The following NUDT18 variants were observed in gnomAD, a reference collection of about 807,000 sequenced individuals.
NUDT18 encodes 8-oxo-dGDP phosphatase NUDT18.
In NUDT18, 26 loss-of-function variants were observed where a neutral mutation model predicts 27.6. The observed-to-expected ratio is 0.94, with a 90% CI of 0.69 to 1.31. NUDT18 has a LOEUF of 1.31. Among genes scored for constraint, NUDT18 ranks in the 50% most tolerant of loss-of-function variants. NUDT18 has a pLI of 0.00. For missense variants in NUDT18, 450 were observed against 433.4 expected (o/e 1.04, Z -0.34); for synonymous variants, 220 against 196.9 (o/e 1.12, Z -0.98).
At position 22,108,198 on chromosome 8, in the gene NUDT18, G is replaced by A. The variant is rs758812900; in HGVS notation, c.311C>T (p.Thr104Ile). 83 of 1,591,518 alleles carry A rather than the reference G, an allele frequency of 5.2e-5. 1 individual carries two copies. The South Asian group carries it at 9.0e-4, about 17-fold the overall frequency. Reference sequence around the variant, plus strand: ...GCCCCGCTCCTCCACGGACAGCAGTGTCTCGGGCTCACAGTGCAGCCCCGC... The same window carrying A: ...GCCCCGCTCCTCCACGGACAGCAGTATCTCGGGCTCACAGTGCAGCCCCGC... ...EEAGLHCEPE[T>I]LLSVEERGPS... Residue 104 changes from threonine to isoleucine, a missense_variant, in exon 2 of 3, where the codon ACA (threonine) becomes ATA (isoleucine). Coordinates refer to ENST00000611621, the MANE Select transcript of NUDT18 (RefSeq NM_024815.4).
At chr8:22,108,835 A>C (rs1379259546) in intron 1 of NUDT18, among the ~76,000 whole-genome samples, 2 of 152,174 alleles carry the variant, frequency 1.3e-5, no homozygotes, top group Non-Finnish European at 2.9e-5. Context: ...TCAGCACCAA[A>C]GGCCTGAAGG....
Position 22,107,774 on chromosome 8 carries a change from G to T in NUDT18, c.498C>A (p.Ala166=). The T allele has an allele frequency of 6.2e-7, 1 of 1,613,526 alleles. No individual in the cohort carries two copies. Among genetic ancestry groups the T allele is most frequent in the Non-Finnish European group, 8.5e-7 (1 of 1,179,854 alleles). The change falls in exon 3 of 3, where the codon GCC becomes GCA. Residue 166 remains alanine (A), a synonymous_variant. Coordinates refer to ENST00000611621, the MANE Select transcript of NUDT18 (RefSeq NM_024815.4). The part of the protein sequence containing the change: ...AHDILHLVEL[A]AQYRQQARHP... ...GCCTGGCTTGCTGGCGATACTGGGC[G>T]GCTAGTTCAACCAGGTGCAGGATGT... is the stretch of plus-strand genomic sequence containing the variant.
chr8:22,107,641 T>A lies in NUDT18; in HGVS notation c.631A>T (p.Met211Leu), dbSNP rs756060297. ...CAGGCAGTGACAGGCAAGTGAGGCA[T>A]CCCCACTGTGCCCACTAACACCCAC... ...TVWVLVGTVG[M>L]PHLPVTACGL... is the part of the protein sequence containing the mutation. Residue 211 changes from methionine (M) to leucine (L), a missense_variant, in exon 3 of 3, where the codon ATG (methionine) becomes TTG (leucine). Met to Leu is a conservative substitution (Grantham distance 15, BLOSUM62 2). Transcript: ENST00000611621. 1.6e-5 allele frequency: 25 copies of A among 1,612,850 alleles called. 1 individual carries two copies. In the Admixed American group the frequency reaches 2.7e-4, roughly 17 times the overall value.
At chr8:22,109,735 G>A (rs1003490103), upstream of NUDT18, 8 of 457,824 alleles carry the variant, frequency 1.7e-5, no homozygotes, top group Non-Finnish European at 3.1e-5. Flanking sequence ...GCGCCGCCGG[G>A]GTAGGCGACG....
At chr8:22,108,603 G>C (rs1443581275) in intron 1 of NUDT18, among the ~76,000 whole-genome samples, 2 of 152,240 alleles carry the variant, frequency 1.3e-5, no homozygotes, top group African/African-American at 2.4e-5. Context: ...GGCTGGAGAT[G>C]AGGCCCCAGA....
Position 22,109,276 on chromosome 8 carries a change from C to A in NUDT18, c.25G>T (p.Ala9Ser). The change falls in exon 1 of 3, where the codon GCG (alanine) becomes TCG (serine). Residue 9 changes from alanine (A) to serine (S), a missense_variant. Transcript: ENST00000611621. ...TGGCCAGCCAGCACGGAAGCCAGCG[C>A]CCCCGCCAGGCCCTCCGAGGCCATC... is the stretch of plus-strand genomic sequence containing the variant. MASEGLAG[A>S]LASVLAGQGS... 1 of 1,396,632 alleles carries A rather than the reference C, an allele frequency of 7.2e-7. No homozygotes were observed. Among genetic ancestry groups the A allele is most frequent in the Non-Finnish European group, 9.3e-7 (1 of 1,081,054 alleles). 86.5% of individuals were successfully genotyped at this position (1,396,632 alleles called of 1,614,324 possible). A position where few individuals can be genotyped will look rare whatever the true frequency, so the allele number is the denominator to read the frequency against.
chr8:22,108,101 C>T, intron 2 of NUDT18, 32 bp downstream of exon 2: 2 of 1,468,530 alleles, frequency 1.4e-6, no homozygotes, highest in Non-Finnish European at 1.8e-6. Flanking sequence ...TGTCAACTGG[C>T]CCTGTTCACA....
Position 22,108,176 on chromosome 8 carries a change from C to A in NUDT18, c.333G>T (p.Arg111=). 1 of 1,570,986 alleles carries A rather than the reference C, an allele frequency of 6.4e-7. No homozygotes were observed. Among genetic ancestry groups the A allele is most frequent in the Non-Finnish European group, 8.6e-7 (1 of 1,159,684 alleles). The change falls in exon 2 of 3, where the codon CGG becomes CGT. Residue 111 remains arginine, a synonymous_variant. Coordinates refer to ENST00000611621, the MANE Select transcript of NUDT18 (RefSeq NM_024815.4). ...ACACGAAGCGGACCCAGGAGGGGCC[C>A]CGCTCCTCCACGGACAGCAGTGTCT... ...EPETLLSVEE[R]GPSWVRFVFL...
rs759731223 is a variant in NUDT18, at chr8:22,107,451, A to C, written c.821T>G (p.Val274Gly). ...HSDGICLNVLVTVAFRSPGIQ... is the reference protein window; with the variant it reads ...HSDGICLNVLGTVAFRSPGIQ... ...CCCTGGGCTCCGAAAAGCCACGGTCACCAGCACATTCAAACAGATGCCATC... is the reference window on the plus strand; with the variant it reads ...CCCTGGGCTCCGAAAAGCCACGGTCCCCAGCACATTCAAACAGATGCCATC... Residue 274 changes from valine (V) to glycine (G), a missense_variant, in exon 3 of 3, where the codon GTG becomes GGG. By Grantham distance (109) the Val-to-Gly change is moderately radical. Coordinates refer to ENST00000611621, the MANE Select transcript of NUDT18 (RefSeq NM_024815.4). 3.1e-6 allele frequency: 5 copies of C among 1,613,216 alleles called. No homozygotes were observed. The highest frequency in any genetic ancestry group is 1.7e-5 in the Admixed American group (1 of 60,004).
Position 22,108,332 on chromosome 8 carries a change from C to CAGT in NUDT18, c.174_176dup (p.Leu59dup). The stretch of plus-strand genomic sequence containing the variant: ...GGCACTCCCTCTTGGCCTCCTGGAT[C>CAGT]AGTAGCACCTCATCCTGAGAGGAGA... On this transcript the variant is annotated inframe_insertion, in exon 2 of 3. Coordinates refer to ENST00000611621, the MANE Select transcript of NUDT18 (RefSeq NM_024815.4). The CAGT allele has an allele frequency of 6.3e-7, 1 of 1,578,800 alleles. No homozygotes were observed. The highest frequency in any genetic ancestry group is 8.6e-7 in the Non-Finnish European group (1 of 1,164,114).
In NUDT18 at chr8:22,107,745, G is replaced by A; in HGVS notation, c.527C>T (p.Pro176Leu). ...GGGTAGCTCTTGGGGCAGAATGAGA[G>A]GGTGCCTGGCTTGCTGGCGATACTG... Reference protein sequence around the residue: ...AAQYRQQARHPLILPQELPCD... With the variant: ...AAQYRQQARHLLILPQELPCD... The change falls in exon 3 of 3, where the codon CCT becomes CTT. Residue 176 changes from proline to leucine, a missense_variant. Transcript: ENST00000611621. The A allele has an allele frequency of 1.9e-6, 3 of 1,613,684 alleles. No individual in the cohort carries two copies. The highest frequency in any genetic ancestry group is 2.5e-6 in the Non-Finnish European group (3 of 1,179,870).
chr8:22,109,061 T>C, intron 1 of NUDT18, 78 bp downstream of exon 1: 2 of 1,142,444 alleles, frequency 1.8e-6, no homozygotes. Flanking sequence ...GCGCTGGCTG[T>C]GGCCGTTGGG....
At chr8:22,110,323 T>G (rs1826449926), upstream of NUDT18, among the ~76,000 whole-genome samples, 1 of 152,252 alleles carries the variant, frequency 6.6e-6, no homozygotes, top group South Asian at 2.1e-4. Context: ...CTCTCCCAGC[T>G]CGGCCTTTCC....
rs376379443 is a variant in NUDT18 at position 22,107,909 on chromosome 8, G to A, written c.377-14C>T. 3.2e-6 allele frequency: 5 copies of A among 1,554,546 alleles called. No homozygotes were observed. Among genetic ancestry groups the A allele is most frequent in the East Asian group, 2.3e-5 (1 of 44,308 alleles). On this transcript the variant is annotated splice_polypyrimidine_tract_variant and intron_variant, in intron 2 of 2. Coordinates refer to ENST00000611621, the MANE Select transcript of NUDT18 (RefSeq NM_024815.4). ...TGAGAATTCCACCTGGGGGAGATGTGGGGGATGGGGCAGGGAGGGTCTGTG... is the reference window on the plus strand; with the variant it reads ...TGAGAATTCCACCTGGGGGAGATGTAGGGGATGGGGCAGGGAGGGTCTGTG...
chr8:22,108,431 A>T (rs1826407278), intron 1 of NUDT18, 85 bp from the exon 2 acceptor site: 4 of 1,239,910 alleles, frequency 3.2e-6, no homozygotes, highest in Non-Finnish European at 4.5e-6. Context: ...GTCGCCCAAG[A>T]CTCCCCTCTG....
rs773317516 is a variant in NUDT18 at position 22,109,360 on chromosome 8, C to A, written c.-60G>T. 6.8e-6 allele frequency: 9 copies of A among 1,328,072 alleles called. No homozygotes were observed. Among genetic ancestry groups the A allele is most frequent in the African/African-American group, 1.5e-5 (1 of 64,560 alleles). 82.3% of individuals were successfully genotyped at this position (1,328,072 alleles called of 1,614,324 possible). ...CAGACCGACTGAGCCGAGCCGCGGG[C>A]TAGAGTGCGCTGCGGAGCCCGCTCC... On this transcript the variant is annotated 5_prime_UTR_variant, in exon 1 of 3. Transcript: ENST00000611621.
chr8:22,108,866 GCTAT>G (rs925672747), intron 1 of NUDT18, among the ~76,000 whole-genome samples: 1 of 152,124 alleles, frequency 6.6e-6, no homozygotes, highest in African/African-American at 2.4e-5. Context: ...TTGAGCCACT[GCTAT>G]CTGAGGGGCC....
intron 2 of NUDT18, 111 bp from the exon 3 acceptor site, chr8:22,108,006 C>T: frequency 2.2e-6 from 3 of 1,358,636 alleles, no homozygotes; most frequent in Non-Finnish European, 2.0e-6. Flanking sequence ...AGCCCAAAGG[C>T]TGGAATCTGC....
chr8:22,109,526 G>T, upstream of NUDT18: 2 of 451,086 alleles, frequency 4.4e-6, no homozygotes, highest in Non-Finnish European at 7.8e-6. Flanking sequence ...CATTCACCGA[G>T]GGGGCGGGGC....
Sources: gnomAD v4.1 joint callset for allele counts (sites outside exome capture counted in the v4.1 genomes callset) on GRCh38, gnomAD v4.1.1 for gene constraint, MANE v1.5 for transcripts, NCBI Gene and HGNC (gene_info 2026-07-23, HGNC 2026-07-21) for gene names.